DAB2IP: variants seen among roughly 807,000 people sequenced by gnomAD.
DAB2IP encodes the protein disabled homolog 2-interacting protein.
A neutral mutation model predicts 107.2 loss-of-function variants in DAB2IP; 28 were observed. The ratio of observed to expected loss-of-function variants is 0.26; its 90% CI spans 0.19 to 0.36. The LOEUF is 0.36. Among genes scored for constraint, DAB2IP ranks in the 10% least tolerant of loss-of-function variants. DAB2IP has a pLI of 1.00. For missense variants in DAB2IP, 1,400 were observed against 1,644.7 expected, an observed-to-expected ratio of 0.85 and a Z score of 2.57; for synonymous variants, 755 against 706.4, an observed-to-expected ratio of 1.07 and a Z score of -1.09.
At chr9:121,657,783 T>C (rs766242189) in intron 1 of DAB2IP, among the ~76,000 whole-genome samples, 3 of 152,180 alleles carry the variant, frequency 2.0e-5, no homozygotes, top group Non-Finnish European at 4.4e-5. Flanking sequence ...AATTCTGTAC[T>C]TACTAAGACC....
intron 1 of DAB2IP, among the ~76,000 whole-genome samples, chr9:121,577,587 C>T (rs567820169): frequency 2.3e-4 from 35 of 152,286 alleles, no homozygotes; most frequent in African/African-American, 7.5e-4. Flanking sequence ...TTGGTCTGTG[C>T]CCTAGAAAAG....
intron 1 of DAB2IP, among the ~76,000 whole-genome samples, chr9:121,576,820 G>C (rs1830069088): frequency 6.6e-6 from 1 of 152,180 alleles, no homozygotes; most frequent in African/African-American, 2.4e-5. Flanking sequence ...CCATCCAGTG[G>C]CTATCTCTAG....
intron 3 of DAB2IP, among the ~76,000 whole-genome samples, chr9:121,748,673 G>A (rs1342325927): frequency 6.6e-6 from 1 of 152,236 alleles, no homozygotes; most frequent in Non-Finnish European, 1.5e-5. Flanking sequence ...ACTGGCACAT[G>A]GTAGGTGCTT....
intron 3 of DAB2IP, among the ~76,000 whole-genome samples, chr9:121,734,508 C>G (rs527938899): frequency 5.3e-4 from 80 of 152,310 alleles, no homozygotes; most frequent in African/African-American, 1.8e-3. Context: ...GGTGGGAGAC[C>G]CACTGGAGAT....
chr9:121,636,554 G>A (rs1832094843), intron 1 of DAB2IP, among the ~76,000 whole-genome samples: 1 of 152,174 alleles, frequency 6.6e-6, no homozygotes, highest in South Asian at 2.1e-4. Flanking sequence ...GCTGAGCAAC[G>A]CTGGGATCTG....
chr9:121,588,239 G>T (rs977726195), intron 1 of DAB2IP, among the ~76,000 whole-genome samples: 1 of 152,054 alleles, frequency 6.6e-6, no homozygotes, highest in African/African-American at 2.4e-5. Flanking sequence ...ACCCCAAGTT[G>T]CTTCCAACTT....
chr9:121,742,957 C>A (rs1832457231), intron 3 of DAB2IP: 2 of 985,472 alleles, frequency 2.0e-6, no homozygotes, highest in Non-Finnish European at 2.4e-6. Context: ...CTTTCTTCAT[C>A]ATGAAGAAGA....
Position 121,750,330 on chromosome 9 carries a change from C to CGTGT in DAB2IP, c.363-6672_363-6669dup, listed in dbSNP as rs146292721. On this transcript the variant is annotated intron_variant, in intron 3 of 15. Coordinates refer to ENST00000408936, the Ensembl canonical transcript of DAB2IP. ...TAGCATTCACTTGTGTGCGCGCGCG[C>CGTGT]GTGTGTGTGTGTGTTTAATCCCAGG... Among the ~76,000 whole-genome samples, 11 of 152,050 alleles carry CGTGT rather than the reference C, an allele frequency of 7.2e-5. No homozygotes were observed. In the East Asian group the frequency reaches 1.9e-3, roughly 27 times the overall value.
chr9:121,717,952 G>A (rs1257382717), intron 3 of DAB2IP, among the ~76,000 whole-genome samples: 1 of 152,138 alleles, frequency 6.6e-6, no homozygotes, highest in African/African-American at 2.4e-5. Context: ...TCTTGTTTCC[G>A]GCATGTCAGG....
Position 121,734,964 on chromosome 9 carries a change from C to T in DAB2IP, c.363-22049C>T, listed in dbSNP as rs953853864. The stretch of plus-strand genomic sequence containing the variant: ...GGAGGGAGGTGGTGCTCAGAGGATG[C>T]ACTCTGCTTTCGCCTTCCTTGTTGG... On this transcript the variant is annotated intron_variant, in intron 3 of 15. Transcript: ENST00000408936. Among the ~76,000 whole-genome samples, 6 of 152,216 alleles carry T rather than the reference C, an allele frequency of 3.9e-5. No homozygotes were observed. The East Asian group carries it at 9.6e-4, about 24-fold the overall frequency.
intron 1 of DAB2IP, among the ~76,000 whole-genome samples, chr9:121,656,988 A>G (rs191955803): frequency 9.2e-5 from 14 of 152,352 alleles, no homozygotes; most frequent in Middle Eastern, 3.4e-3. Context: ...CTGGGTGTTC[A>G]TGGCAATTGT....
At chr9:121,719,474 C>T (rs1322918335) in intron 3 of DAB2IP, among the ~76,000 whole-genome samples, 1 of 152,204 alleles carries the variant, frequency 6.6e-6, no homozygotes, top group Non-Finnish European at 1.5e-5. Flanking sequence ...AAACCTTACT[C>T]TCTTCCTGGG....
chr9:121,743,086 G>A (rs571720145), intron 3 of DAB2IP, among the ~76,000 whole-genome samples: 17 of 152,310 alleles, frequency 1.1e-4, no homozygotes, highest in African/African-American at 3.6e-4. Flanking sequence ...CACGGGGTGT[G>A]GCCCAGCTTT....
intron 2 of DAB2IP, among the ~76,000 whole-genome samples, chr9:121,691,104 A>G (rs1249366501): frequency 1.3e-5 from 2 of 152,242 alleles, no homozygotes; most frequent in Non-Finnish European, 2.9e-5. Flanking sequence ...CCCACAGAGC[A>G]CTTTATCTTT....
intron 1 of DAB2IP, among the ~76,000 whole-genome samples, chr9:121,600,225 A>C (rs1310556266): frequency 6.6e-6 from 1 of 152,086 alleles, no homozygotes; most frequent in Non-Finnish European, 1.5e-5. Context: ...AAACCTCTTT[A>C]TCCAGAGCCA....
chr9:121,774,631 T>C (rs942033665), intron 13 of DAB2IP, among the ~76,000 whole-genome samples: 1 of 152,152 alleles, frequency 6.6e-6, no homozygotes, highest in Non-Finnish European at 1.5e-5. Context: ...AGGCTTCCCA[T>C]CTGCAGATTG....
chr9:121,618,068 A>G (rs1333956376), intron 1 of DAB2IP, among the ~76,000 whole-genome samples: 4 of 152,178 alleles, frequency 2.6e-5, no homozygotes. Context: ...TTTAGGTACA[A>G]GACAGAAGGC....
At chr9:121,672,342 G>A (rs1160160736) in intron 1 of DAB2IP, among the ~76,000 whole-genome samples, 1 of 152,128 alleles carries the variant, frequency 6.6e-6, no homozygotes, top group East Asian at 1.9e-4. Flanking sequence ...TAAGATCTGG[G>A]CGATGCAACC....
At chr9:121,765,090 G>A (rs1834176490) in intron 8 of DAB2IP, among the ~76,000 whole-genome samples, 1 of 152,224 alleles carries the variant, frequency 6.6e-6, no homozygotes. Context: ...GGCACCTCAA[G>A]ATGGGCCACA....
Sources: gnomAD v4.1 joint callset for allele counts (sites outside exome capture counted in the v4.1 genomes callset) on GRCh38, gnomAD v4.1.1 for gene constraint, MANE v1.5 for transcripts, NCBI Gene and HGNC (gene_info 2026-07-23, HGNC 2026-07-21) for gene names.